The following NRAP variants were observed in gnomAD, a reference collection of about 807,000 sequenced individuals.
NRAP encodes nebulin related anchoring protein, also known as nebulin-related-anchoring protein.
In NRAP, 189 loss-of-function variants were observed where a neutral mutation model predicts 225.9. The observed-to-expected ratio is 0.84, with a 90% CI of 0.74 to 0.94. The LOEUF (loss-of-function observed/expected upper bound fraction) is 0.94, where lower values mean the gene tolerates loss of function less well. NRAP is among the 40% of genes least tolerant of loss of function. The pLI is 0.00. For synonymous variants in NRAP, 769 were observed against 790.7 expected (o/e 0.97, Z 0.46); for missense variants, 2,176 against 2,168.7 (o/e 1.00, Z -0.07).
rs1405454566 is a variant in NRAP at position 113,621,994 on chromosome 10, G to A, written c.2644C>T (p.His882Tyr). 2 of 1,614,248 alleles carry A rather than the reference G, an allele frequency of 1.2e-6. No individual in the cohort carries two copies. The highest frequency in any genetic ancestry group is 1.7e-5 in the Admixed American group (1 of 60,034). Residue 882 changes from histidine to tyrosine, a missense_variant, in exon 24 of 42, where the codon CAT becomes TAT. His to Tyr is a moderately conservative substitution (Grantham distance 83). Transcript: ENST00000359988. ...HVSLDMVHLV[H>Y]ARKAQHLATD... is the part of the protein sequence containing the mutation. ...GCTAAATGCTGAGCTTTGCGGGCAT[G>A]CACGAGGTGGACCATGTCCAGGGAG...
rs2134023816 is a variant in NRAP at position 113,629,570 on chromosome 10, G to C, written c.2040+18C>G. The C allele has an allele frequency of 6.4e-7, 1 of 1,558,612 alleles. No homozygotes were observed. Among genetic ancestry groups the C allele is most frequent in the Non-Finnish European group, 8.9e-7 (1 of 1,129,868 alleles). On this transcript the variant is annotated intron_variant, in intron 19 of 41. Coordinates refer to ENST00000359988, the MANE Select transcript of NRAP (RefSeq NM_198060.4). Reference sequence around the variant, plus strand: ...CTGCAAGAGATGCATGAAGAGAACTGATAATGTGTGGGCTCACCTCGCTCT... The same window carrying C: ...CTGCAAGAGATGCATGAAGAGAACTCATAATGTGTGGGCTCACCTCGCTCT...
intron 11 of NRAP, among the ~76,000 whole-genome samples, chr10:113,643,930 A>G (rs925775172): frequency 6.6e-6 from 1 of 151,962 alleles, no homozygotes; most frequent in Non-Finnish European, 1.5e-5. Flanking sequence ...AAGAGGCTAA[A>G]ATGGGAGTTC....
At position 113,634,096 on chromosome 10, in the gene NRAP, A is replaced by T; in HGVS notation, c.1527+16T>A. ...TCAAGACCCCTACATCCAGCTGGGC[A>T]GGGACAGTTACTTACATGACTCAGC... On this transcript the variant is annotated intron_variant, in intron 15 of 41. Transcript: ENST00000359988. 1 of 1,571,830 alleles carries T rather than the reference A, an allele frequency of 6.4e-7. No individual in the cohort carries two copies. Among genetic ancestry groups the T allele is most frequent in the Non-Finnish European group, 8.8e-7 (1 of 1,141,532 alleles).
At chr10:113,660,051 A>AACACACACACACACAC (rs142938392) in intron 3 of NRAP, among the ~76,000 whole-genome samples, 5 of 144,438 alleles carry the variant, frequency 3.5e-5, no homozygotes, top group African/African-American at 7.7e-5. Context: ...CTCAGTAGAC[A>AACACACACACACACAC]ACACACACAC....
In NRAP at chr10:113,622,024, G is replaced by A; in HGVS notation, c.2614C>T (p.His872Tyr). Reference sequence around the variant, plus strand: ...AGGTGGACCATGTCCAGGGAGACGTGGCATTGGGATTTGGTGTCCTCGAAT... The same window carrying A: ...AGGTGGACCATGTCCAGGGAGACGTAGCATTGGGATTTGGTGTCCTCGAAT... ...KGFEDTKSQC[H>Y]VSLDMVHLVH... The change falls in exon 24 of 42, where the codon CAC (histidine) becomes TAC (tyrosine). Residue 872 changes from histidine to tyrosine, a missense_variant. His to Tyr is a moderately conservative substitution (Grantham distance 83). This residue lies in a region of NRAP where 1,708 missense variants were observed against 1,695.5 expected (regional missense o/e 1.01). Transcript: ENST00000359988. The A allele has an allele frequency of 1.2e-6, 2 of 1,614,220 alleles. No individual in the cohort carries two copies. The highest frequency in any genetic ancestry group is 1.7e-6 in the Non-Finnish European group (2 of 1,180,032).
chr10:113,647,066 C>T (rs1592850781), intron 9 of NRAP, 39 bp from the exon 10 acceptor site: 2 of 1,304,406 alleles, frequency 1.5e-6, no homozygotes, highest in Non-Finnish European at 1.1e-6. Context: ...GTAATGCTTC[C>T]CTCCCCAGAT....
intron 11 of NRAP, among the ~76,000 whole-genome samples, chr10:113,644,904 A>T (rs372134684): frequency 1.3e-5 from 2 of 152,380 alleles, no homozygotes; most frequent in African/African-American, 2.4e-5. Flanking sequence ...AAATGCCTTC[A>T]GAGTCCAGAT....
At chr10:113,599,680 C>T (rs1481994351) in intron 35 of NRAP, among the ~76,000 whole-genome samples, 2 of 152,150 alleles carry the variant, frequency 1.3e-5, no homozygotes, top group South Asian at 2.1e-4. Context: ...TGACTATTCA[C>T]GCAGACCCTA....
intron 26 of NRAP, among the ~76,000 whole-genome samples, 184 bp downstream of exon 26, chr10:113,617,271 T>A (rs1045116376): frequency 6.6e-6 from 1 of 152,208 alleles, no homozygotes; most frequent in Admixed American, 6.5e-5. Flanking sequence ...CTAAGTGCAG[T>A]AACACCCCCA....
chr10:113,604,832 C>A lies in NRAP; in HGVS notation c.4004G>T (p.Arg1335Leu). The A allele has an allele frequency of 1.9e-6, 3 of 1,614,168 alleles. No individual in the cohort carries two copies. Among genetic ancestry groups the A allele is most frequent in the Non-Finnish European group, 2.5e-6 (3 of 1,180,022 alleles). ...CTCGCTCTGCAGCTGGCCCATGCGCCGGCAGTGCTGGATCCGGGGGTCGTC... is the reference window on the plus strand; with the variant it reads ...CTCGCTCTGCAGCTGGCCCATGCGCAGGCAGTGCTGGATCCGGGGGTCGTC... Reference protein sequence around the residue: ...VRDDPRIQHCRRMGQLQSELQ... With the variant: ...VRDDPRIQHCLRMGQLQSELQ... The change falls in exon 35 of 42, where the codon CGG (arginine) becomes CTG (leucine). Residue 1335 changes from arginine (R) to leucine (L), a missense_variant. Arg to Leu is a moderately radical substitution (Grantham distance 102). Transcript: ENST00000359988.
rs60485224 is a variant in NRAP at position 113,633,889 on chromosome 10, G to C, written c.1527+223C>G. On this transcript the variant is annotated intron_variant, in intron 15 of 41. Coordinates refer to ENST00000359988, the MANE Select transcript of NRAP (RefSeq NM_198060.4). ...ATGAGTTGATGGCTGTTGAAGATGG[G>C]TGACAGGTACATGGGGATTCATTAT... 6.5e-3 allele frequency among the ~76,000 whole-genome samples: 995 copies of C among 152,270 alleles called. 32 individuals are homozygous for C. In the East Asian group the frequency reaches 0.085, roughly 13 times the overall value.
chr10:113,655,149 C>T (rs1459786501), intron 4 of NRAP, among the ~76,000 whole-genome samples: 2 of 152,162 alleles, frequency 1.3e-5, no homozygotes, highest in Admixed American at 6.5e-5. Flanking sequence ...TGCAGATTGT[C>T]CAAACACTTA....
intron 18 of NRAP, 111 bp from the exon 19 acceptor site, chr10:113,629,896 A>T (rs1425770606): frequency 2.6e-5 from 18 of 690,924 alleles, no homozygotes; most frequent in Middle Eastern, 3.9e-4. Flanking sequence ...GAGAATCGGC[A>T]CTCTGGGCAC....
intron 36 of NRAP, 144 bp downstream of exon 36, chr10:113,597,825 T>G: frequency 1.5e-6 from 1 of 667,560 alleles, no homozygotes; most frequent in Non-Finnish European, 2.8e-6. Flanking sequence ...GTCTTGGGAT[T>G]TGGTTGCACA....
At chr10:113,610,273 C>T (rs962211213) in intron 31 of NRAP, among the ~76,000 whole-genome samples, 186 bp downstream of exon 31, 1 of 151,412 alleles carries the variant, frequency 6.6e-6, no homozygotes, top group African/African-American at 2.4e-5. Context: ...TCGCTTGAAC[C>T]CAGGAGACGG....
chr10:113,627,151 T>C (rs1357166675), intron 20 of NRAP, among the ~76,000 whole-genome samples: 4 of 152,334 alleles, frequency 2.6e-5, no homozygotes, highest in African/African-American at 9.6e-5. Context: ...AAAAAAGTTC[T>C]AGAGAAAACA....
In NRAP at chr10:113,622,114, C is replaced by A. The variant is rs1275702459; in HGVS notation, c.2524G>T (p.Asp842Tyr). Residue 842 changes from aspartate to tyrosine, a missense_variant, in exon 24 of 42, where the codon GAT becomes TAT. Asp to Tyr is a radical substitution (Grantham distance 160). This residue lies in a region of NRAP where 1,708 missense variants were observed against 1,695.5 expected (regional missense o/e 1.01). Transcript: ENST00000359988. Reference protein sequence around the residue: ...KLIGAKDVQGDSQMSHSLQMS... With the variant: ...KLIGAKDVQGYSQMSHSLQMS... The stretch of plus-strand genomic sequence containing the variant: ...TGCAGTGAGTGGCTCATTTGCGAAT[C>A]TCCCTGTACATCTTTTGCCCCAATG... The A allele has an allele frequency of 1.2e-6, 2 of 1,613,926 alleles. No individual in the cohort carries two copies. Among genetic ancestry groups the A allele is most frequent in the Admixed American group, 3.3e-5 (2 of 60,004 alleles).
Position 113,595,747 on chromosome 10 carries a change from A to G in NRAP, c.4432-20T>C, listed in dbSNP as rs755163440. On this transcript the variant is annotated intron_variant, in intron 37 of 41. Transcript: ENST00000359988. ...CATGCGCTGTAGATAAGATGGGCTCATGGTAAATAGAGAACTGTGTGGGCT... is the reference window on the plus strand; with the variant it reads ...CATGCGCTGTAGATAAGATGGGCTCGTGGTAAATAGAGAACTGTGTGGGCT... 6.6e-7 allele frequency: 1 copy of G among 1,518,126 alleles called. No homozygotes were observed. The highest frequency in any genetic ancestry group is 9.1e-7 in the Non-Finnish European group (1 of 1,092,992). The allele number at this position is 1,518,126 out of a possible 1,614,324, so 94.0% of individuals were successfully genotyped here.
chr10:113,653,025 G>A lies in NRAP; in HGVS notation c.480C>T (p.Asp160=), dbSNP rs550753777. The A allele has an allele frequency of 8.7e-6, 14 of 1,601,242 alleles. No individual in the cohort carries two copies. The highest frequency in any genetic ancestry group is 4.3e-5 in the African/African-American group (3 of 69,504). The change falls in exon 6 of 42, where the codon GAC becomes GAT. Residue 160 remains aspartate (D), a synonymous_variant. Transcript: ENST00000359988. ...TCCCCTTGCCCCTGGGTTGCTCATA[G>A]TCTTCTGTATATTCCTGTTGGTCAG... is the stretch of plus-strand genomic sequence containing the variant. The part of the protein sequence containing the change: ...RKSLGEEYTE[D]YEQPRGKGSF...
Sources: allele counts gnomAD v4.1 joint callset (sites outside exome capture counted in the v4.1 genomes callset), GRCh38; gene constraint gnomAD v4.1.1; regional missense constraint gnomAD v4.1.1; transcripts MANE v1.5; gene names NCBI Gene and HGNC (gene_info 2026-07-23, HGNC 2026-07-21).